The following FSIP2 variants were observed in gnomAD, a reference collection of about 807,000 sequenced individuals.
The protein encoded by FSIP2 is fibrous sheath-interacting protein 2.
In FSIP2, 367 loss-of-function variants were observed where a neutral mutation model predicts 510.5. The ratio of observed to expected loss-of-function variants is 0.72; its 90% CI spans 0.66 to 0.78. The LOEUF is 0.78. Among genes scored for constraint, FSIP2 ranks in the 30% least tolerant of loss-of-function variants. The pLI is 0.00. For synonymous variants in FSIP2, 2,601 were observed against 2,732.2 expected (o/e 0.95, Z 1.50); for missense variants, 7,594 against 7,901.7 (o/e 0.96, Z 1.48).
At chr2:185,798,241 T>C (rs1693345242) in intron 16 of FSIP2, among the ~76,000 whole-genome samples, 1 of 151,908 alleles carries the variant, frequency 6.6e-6, no homozygotes, top group African/African-American at 2.4e-5. Flanking sequence ...TTAATTTTTG[T>C]ATTCTTGAAG....
Position 185,804,213 on chromosome 2 carries a change from GGTTACTGA to G in FSIP2, c.14908_14915del (p.Val4970LysfsTer4). 1 of 1,519,258 alleles carries G rather than the reference GGTTACTGA, an allele frequency of 6.6e-7. No homozygotes were observed. The highest frequency in any genetic ancestry group is 1.2e-5 in the South Asian group (1 of 80,604). The allele number at this position is 1,519,258 out of a possible 1,614,324, so 94.1% of individuals were successfully genotyped here. ...TTTATGCATTTTCACATAACATGTT[GGTTACTGA>G]AAATCCAGATAGAGTGAAACTGAAA... On this transcript the variant is annotated frameshift_variant, in exon 17 of 23. Transcript: ENST00000424728. LOFTEE classifies it high-confidence loss of function.
upstream of FSIP2, chr2:185,738,277 G>A (rs539216184): frequency 3.3e-6 from 1 of 301,958 alleles, no homozygotes; most frequent in Non-Finnish European, 6.3e-6. Context: ...GAGAAAGAGG[G>A]AAATAGGATC....
Position 185,802,485 on chromosome 2 carries a change from A to G in FSIP2, c.13179A>G (p.Lys4393=), listed in dbSNP as rs978069647. The part of the protein sequence containing the change: ...KQHGLDLAVD[K]ESEDSGIFVE... ...ATGGGCTAGACCTTGCTGTTGATAAAGAGTCTGAAGACAGTGGCATTTTTG... is the reference window on the plus strand; with the variant it reads ...ATGGGCTAGACCTTGCTGTTGATAAGGAGTCTGAAGACAGTGGCATTTTTG... The change falls in exon 17 of 23, where the codon AAA becomes AAG. Residue 4393 remains lysine, a synonymous_variant. Transcript: ENST00000424728. 2.6e-6 allele frequency: 4 copies of G among 1,533,330 alleles called. No homozygotes were observed. The highest frequency in any genetic ancestry group is 2.7e-5 in the African/African-American group (2 of 72,830). 95.0% of individuals were successfully genotyped at this position (1,533,330 alleles called of 1,614,324 possible). A position where few individuals can be genotyped will look rare whatever the true frequency, so the allele number is the denominator to read the frequency against.
In FSIP2 at chr2:185,799,795, C is replaced by A; in HGVS notation, c.10489C>A (p.Gln3497Lys). The A allele has an allele frequency of 6.5e-7, 1 of 1,529,004 alleles. No homozygotes were observed. Among genetic ancestry groups the A allele is most frequent in the Non-Finnish European group, 8.7e-7 (1 of 1,142,870 alleles). 94.7% of individuals were successfully genotyped at this position (1,529,004 alleles called of 1,614,324 possible). The change falls in exon 17 of 23, where the codon CAA becomes AAA. Residue 3497 changes from glutamine (Q) to lysine (K), a missense_variant. Physicochemically the swap from Gln to Lys is moderately conservative, Grantham distance 53. Transcript: ENST00000424728. ...CATATACGATGATTCTTCAATTTAT[C>A]AATGTTGTGAACATCTCACTGAGTC... ...RNIYDDSSIY[Q>K]CCEHLTESVL... is the part of the protein sequence containing the mutation.
In FSIP2 at chr2:185,745,443, A is replaced by G. The variant is rs1228070724; in HGVS notation, c.492A>G (p.Lys164=). Residue 164 remains lysine (K), a synonymous_variant, in exon 5 of 23, where the codon AAA becomes AAG. Transcript: ENST00000424728. ...NYIKEQRILA[K]QLHNIPENNQ... is the part of the protein sequence containing the mutation. ...TTCTTAAATAGAGAATACTTGCAAA[A>G]CAACTACATAACATACCGGAAAACA... is the stretch of plus-strand genomic sequence containing the variant. 1 of 1,531,134 alleles carries G rather than the reference A, an allele frequency of 6.5e-7. No homozygotes were observed. The highest frequency in any genetic ancestry group is 8.7e-7 in the Non-Finnish European group (1 of 1,143,276). 94.8% of individuals were successfully genotyped at this position (1,531,134 alleles called of 1,614,324 possible).
chr2:185,825,042 T>G (rs1235718466), intron 20 of FSIP2, among the ~76,000 whole-genome samples: 2 of 151,836 alleles, frequency 1.3e-5, no homozygotes, highest in African/African-American at 2.4e-5. Flanking sequence ...TGATAGCATA[T>G]ATAAGAGGTA....
chr2:185,797,155 G>T lies in FSIP2; in HGVS notation c.10019G>T (p.Ser3340Ile). The change falls in exon 16 of 23, where the codon AGC becomes ATC. Residue 3340 changes from serine to isoleucine, a missense_variant. Ser to Ile is a moderately radical substitution (Grantham distance 142, BLOSUM62 -2). Transcript: ENST00000424728. ...AENIVNTVLSSCGFPSQPHTN... is the reference protein window; with the variant it reads ...AENIVNTVLSICGFPSQPHTN... ...AATATTGTCAATACTGTGCTATCCA[G>T]CTGTGGCTTTCCAAGTCAACCACAC... 3 of 1,534,872 alleles carry T rather than the reference G, an allele frequency of 2.0e-6. No individual in the cohort carries two copies. The highest frequency in any genetic ancestry group is 2.6e-6 in the Non-Finnish European group (3 of 1,146,200).
intron 17 of FSIP2, 101 bp downstream of exon 17, chr2:185,809,234 G>T (rs1212327117): frequency 3.0e-6 from 4 of 1,324,072 alleles, no homozygotes; most frequent in South Asian, 1.8e-5. Flanking sequence ...ATTCATTGTT[G>T]TTGGTGTTTC....
At chr2:185,765,451 T>G (rs910966898) in intron 13 of FSIP2, 2 of 152,036 alleles carry the variant, frequency 1.3e-5, no homozygotes, top group Non-Finnish European at 2.9e-5. Flanking sequence ...ATCAGATAGT[T>G]GTAGATATGC....
Position 185,800,880 on chromosome 2 carries a change from C to A in FSIP2, c.11574C>A (p.Ser3858Arg). 6.5e-7 allele frequency: 1 copy of A among 1,534,070 alleles called. No homozygotes were observed. The highest frequency in any genetic ancestry group is 1.2e-5 in the South Asian group (1 of 83,970). Residue 3858 changes from serine to arginine, a missense_variant, in exon 17 of 23, where the codon AGC becomes AGA. By Grantham distance (110) the Ser-to-Arg change is moderately radical (BLOSUM62 -1). Transcript: ENST00000424728. ...VKSLMDKLSH[S>R]IQQAPESLPF... Reference sequence around the variant, plus strand: ...CATTGATGGACAAATTATCTCACAGCATACAACAAGCTCCGGAAAGTCTAC... The same window carrying A: ...CATTGATGGACAAATTATCTCACAGAATACAACAAGCTCCGGAAAGTCTAC...
In FSIP2 at chr2:185,801,063, C is replaced by T. The variant is rs887014600; in HGVS notation, c.11757C>T (p.Pro3919=). The T allele has an allele frequency of 1.3e-6, 2 of 1,531,984 alleles. No homozygotes were observed. Among genetic ancestry groups the T allele is most frequent in the African/African-American group, 1.4e-5 (1 of 72,762 alleles). The allele number at this position is 1,531,984 out of a possible 1,614,324, so 94.9% of individuals were successfully genotyped here. ...SNSLTVSLNN[P]SVVSSKIQAP... ...CTTTGACAGTATCCCTGAATAATCCCAGTGTGGTTAGCTCCAAAATACAAG... is the reference window on the plus strand; with the variant it reads ...CTTTGACAGTATCCCTGAATAATCCTAGTGTGGTTAGCTCCAAAATACAAG... Residue 3919 remains proline, a synonymous_variant, in exon 17 of 23, where the codon CCC becomes CCT. Transcript: ENST00000424728.
At position 185,791,198 on chromosome 2, in the gene FSIP2, G is replaced by A. The variant is rs759265627; in HGVS notation, c.4062G>A (p.Ala1354=). 2.0e-5 allele frequency: 31 copies of A among 1,533,650 alleles called. No individual in the cohort carries two copies. Among genetic ancestry groups the A allele is most frequent in the Admixed American group, 1.4e-4 (7 of 50,806 alleles). The change falls in exon 16 of 23, where the codon GCG becomes GCA. Residue 1354 remains alanine, a synonymous_variant. Coordinates refer to ENST00000424728, the MANE Select transcript of FSIP2 (RefSeq NM_173651.4). The part of the protein sequence containing the change: ...LVTSIDDDIL[A]SPLLTCIYDM... ...CGAGTATTGATGATGACATTTTGGCGAGTCCATTATTAACCTGTATTTATG... is the reference window on the plus strand; with the variant it reads ...CGAGTATTGATGATGACATTTTGGCAAGTCCATTATTAACCTGTATTTATG...
At chr2:185,781,424 T>C (rs1692846742) in intron 13 of FSIP2, among the ~76,000 whole-genome samples, 1 of 152,210 alleles carries the variant, frequency 6.6e-6, no homozygotes, top group African/African-American at 2.4e-5. Flanking sequence ...CAACTTAACA[T>C]ATTTTCAGCT....
Position 185,802,154 on chromosome 2 carries a change from CA to C in FSIP2, c.12849del (p.Gln4284ArgfsTer3). 1 of 1,533,212 alleles carries C rather than the reference CA, an allele frequency of 6.5e-7. No homozygotes were observed. 95.0% of individuals were successfully genotyped at this position (1,533,212 alleles called of 1,614,324 possible). On this transcript the variant is annotated frameshift_variant, in exon 17 of 23. Coordinates refer to ENST00000424728, the MANE Select transcript of FSIP2 (RefSeq NM_173651.4). LOFTEE classifies it high-confidence loss of function. The part of the protein sequence containing the change: ...TPLDPVSTIV[T>X]QVLSEVIESH... ...CTGGATCCAGTGTCTACTATTGTTA[CA>C]CAGGTTCTGAGTGAAGTGATAGAGT...
chr2:185,793,773 C>T lies in FSIP2; in HGVS notation c.6637C>T (p.Arg2213Cys), dbSNP rs550442160. 89 of 1,532,014 alleles carry T rather than the reference C, an allele frequency of 5.8e-5. No homozygotes were observed. In the Admixed American group the frequency reaches 1.5e-3, roughly 27 times the overall value. 94.9% of individuals were successfully genotyped at this position (1,532,014 alleles called of 1,614,324 possible). Residue 2213 changes from arginine (R) to cysteine (C), a missense_variant, in exon 16 of 23, where the codon CGT (arginine) becomes TGT (cysteine). By Grantham distance (180) the Arg-to-Cys change is radical. Transcript: ENST00000424728. ...KGSKTERKTE[R>C]FSYSRNQKSA... Reference sequence around the variant, plus strand: ...GTCAAAAACTGAAAGAAAAACAGAGCGTTTTTCATATTCAAGAAATCAGAA... The same window carrying T: ...GTCAAAAACTGAAAGAAAAACAGAGTGTTTTTCATATTCAAGAAATCAGAA...
In FSIP2 at chr2:185,794,389, A is replaced by G; in HGVS notation, c.7253A>G (p.Asn2418Ser). Residue 2418 changes from asparagine (N) to serine (S), a missense_variant, in exon 16 of 23, where the codon AAC becomes AGC. Coordinates refer to ENST00000424728, the MANE Select transcript of FSIP2 (RefSeq NM_173651.4). ...TGTTTTAATTCAAAAGAAAATTCTA[A>G]CTTTTCACAATTAGCTTTATCAAAT... is the stretch of plus-strand genomic sequence containing the variant. ...EICFNSKENS[N>S]FSQLALSNEI... 6.6e-7 allele frequency: 1 copy of G among 1,519,374 alleles called. No individual in the cohort carries two copies. The highest frequency in any genetic ancestry group is 8.8e-7 in the Non-Finnish European group (1 of 1,140,400). 94.1% of individuals were successfully genotyped at this position (1,519,374 alleles called of 1,614,324 possible).
Position 185,800,274 on chromosome 2 carries a change from CTG to C in FSIP2, c.10969_10970del (p.Trp3657AlafsTer15). 3.3e-6 allele frequency: 5 copies of C among 1,534,052 alleles called. No homozygotes were observed. In the South Asian group the frequency reaches 3.6e-5, roughly 11 times the overall value. On this transcript the variant is annotated frameshift_variant, in exon 17 of 23. Transcript: ENST00000424728. LOFTEE classifies it high-confidence loss of function. ...TCAATAGACAGGCAAGCCCCAGAGA[CTG>C]GCAATTTTCTACTCAACAAATTGGT... is the stretch of plus-strand genomic sequence containing the variant. ...KINRQASPRD[W>X]QFSTQQIGQL...
chr2:185,813,016 T>C (rs1266774841), intron 17 of FSIP2, among the ~76,000 whole-genome samples: 1 of 152,084 alleles, frequency 6.6e-6, no homozygotes, highest in East Asian at 1.9e-4. Context: ...ACATGAAGAT[T>C]TATATTTTGA....
At chr2:185,824,323 A>G in intron 19 of FSIP2, 111 bp from the exon 20 acceptor site, 2 of 728,182 alleles carry the variant, frequency 2.7e-6, no homozygotes, top group Non-Finnish European at 4.8e-6. Flanking sequence ...AGTGAATAGT[A>G]TACTATTTCA....
Sources: gnomAD v4.1 joint callset for allele counts (sites outside exome capture counted in the v4.1 genomes callset) on GRCh38, gnomAD v4.1.1 for gene constraint, MANE v1.5 for transcripts, NCBI Gene and HGNC (gene_info 2026-07-23, HGNC 2026-07-21) for gene names.